DLG2: variants seen among roughly 807,000 people sequenced by gnomAD.
The protein encoded by DLG2 is disks large homolog 2.
A neutral mutation model predicts 132.5 loss-of-function variants in DLG2; 45 were observed. The observed-to-expected ratio is 0.34, with a 90% CI of 0.27 to 0.44. DLG2 has a LOEUF of 0.44. Among genes scored for constraint, DLG2 ranks in the 20% least tolerant of loss-of-function variants. DLG2 has a pLI of 1.00. For missense variants in DLG2, 1,045 were observed against 1,196.9 expected, an observed-to-expected ratio of 0.87 and a Z score of 1.87; for synonymous variants, 424 against 419.6, an observed-to-expected ratio of 1.01 and a Z score of -0.13.
chr11:85,365,208 A>G (rs1169876611), intron 3 of DLG2, among the ~76,000 whole-genome samples: 2 of 152,186 alleles, frequency 1.3e-5, no homozygotes, highest in African/African-American at 2.4e-5. Flanking sequence ...TTTTTGTAAT[A>G]CTATCCTAAA....
intron 3 of DLG2, among the ~76,000 whole-genome samples, chr11:85,439,832 G>A (rs575710864): frequency 6.6e-6 from 1 of 152,272 alleles, no homozygotes; most frequent in South Asian, 2.1e-4. Flanking sequence ...AATGTTTGCA[G>A]TAAGGAGGAA....
At chr11:83,970,737 T>C (rs988838131) in intron 12 of DLG2, among the ~76,000 whole-genome samples, 1 of 152,316 alleles carries the variant, frequency 6.6e-6, no homozygotes, top group Non-Finnish European at 1.5e-5. Context: ...ACAGGCACAA[T>C]ACAGTTCTTA....
intron 11 of DLG2, among the ~76,000 whole-genome samples, chr11:84,022,139 C>A (rs1293728718): frequency 1.3e-5 from 2 of 152,146 alleles, no homozygotes; most frequent in African/African-American, 2.4e-5. Context: ...GTGTTACCAC[C>A]ATTATATCCA....
intron 7 of DLG2, among the ~76,000 whole-genome samples, chr11:84,308,846 G>A (rs2098258430): frequency 6.6e-6 from 1 of 152,188 alleles, no homozygotes; most frequent in African/African-American, 2.4e-5. Flanking sequence ...GGCCTGCAGA[G>A]CCCACGCTCA....
chr11:85,019,539 A>T (rs1033953833), intron 6 of DLG2, among the ~76,000 whole-genome samples: 1 of 152,040 alleles, frequency 6.6e-6, no homozygotes, highest in African/African-American at 2.4e-5. Flanking sequence ...TTACATATGT[A>T]TATATGTGCC....
At chr11:83,492,860 T>C (rs2093936127) in intron 21 of DLG2, among the ~76,000 whole-genome samples, 1 of 152,072 alleles carries the variant, frequency 6.6e-6, no homozygotes, top group Non-Finnish European at 1.5e-5. Context: ...CAGCTGGTGT[T>C]CCTGCTTCCA....
intron 17 of DLG2, among the ~76,000 whole-genome samples, chr11:83,824,345 T>C (rs2051839474): frequency 1.3e-5 from 2 of 152,088 alleles, no homozygotes; most frequent in African/African-American, 2.4e-5. Flanking sequence ...TTGGAAATAA[T>C]CTATTTATTT....
At chr11:84,878,670 G>C (rs560658564) in intron 6 of DLG2, among the ~76,000 whole-genome samples, 2 of 151,944 alleles carry the variant, frequency 1.3e-5, no homozygotes, top group Admixed American at 1.3e-4. Flanking sequence ...AAAGCTGCAC[G>C]TTCTGCACAT....
intron 6 of DLG2, among the ~76,000 whole-genome samples, chr11:84,842,285 T>C (rs76804279): frequency 0.066 from 10,027 of 152,052 alleles, 660 homozygotes; most frequent in African/African-American, 0.17. Flanking sequence ...TCTTGCTTGG[T>C]AGGCATTCTT....
chr11:83,483,094 G>A (rs987938246), intron 22 of DLG2, among the ~76,000 whole-genome samples: 1 of 152,074 alleles, frequency 6.6e-6, no homozygotes, highest in Non-Finnish European at 1.5e-5. Context: ...CAAAACGATC[G>A]AAAGTTACTT....
chr11:84,572,277 A>G (rs1331593346), intron 6 of DLG2, among the ~76,000 whole-genome samples: 2 of 152,142 alleles, frequency 1.3e-5, no homozygotes, highest in African/African-American at 4.8e-5. Context: ...CTTTCTATTA[A>G]GAGGTGGTGT....
chr11:83,888,106 T>C lies in DLG2; in HGVS notation c.1497-13618A>G, dbSNP rs993045620. On this transcript the variant is annotated intron_variant, in intron 15 of 27. Transcript: ENST00000376104. ...TGTTGGAAGTTCTGGCCAGGGCAAT[T>C]AGGCAGGAGAAGGAAATAAAGGGTA... is the stretch of plus-strand genomic sequence containing the variant. Among the ~76,000 whole-genome samples, 656 of 148,662 alleles carry C rather than the reference T, an allele frequency of 4.4e-3. 5 individuals are homozygous for C. Among genetic ancestry groups the C allele is most frequent in the African/African-American group, 0.016 (634 of 40,036 alleles).
At chr11:84,471,155 C>A (rs1423716463) in intron 7 of DLG2, among the ~76,000 whole-genome samples, 2 of 151,662 alleles carry the variant, frequency 1.3e-5, no homozygotes, top group Non-Finnish European at 2.9e-5. Flanking sequence ...ACTGGGGTTC[C>A]CAGACCCCTG....
intron 18 of DLG2, among the ~76,000 whole-genome samples, chr11:83,650,303 T>C (rs2069784096): frequency 6.6e-6 from 1 of 152,078 alleles, no homozygotes. Flanking sequence ...ATCACACAGG[T>C]CCATGTAAGA....
chr11:84,619,326 T>G (rs912912364), intron 6 of DLG2, among the ~76,000 whole-genome samples: 2 of 151,758 alleles, frequency 1.3e-5, no homozygotes, highest in Non-Finnish European at 1.5e-5. Flanking sequence ...ATATCATATA[T>G]TATATAATAC....
intron 8 of DLG2, among the ~76,000 whole-genome samples, chr11:84,241,503 C>T (rs892759920): frequency 6.6e-6 from 1 of 152,088 alleles, no homozygotes; most frequent in African/African-American, 2.4e-5. Flanking sequence ...TGTTTAACAA[C>T]ATGTGCTTTT....
chr11:85,042,917 T>C (rs1387313969), intron 6 of DLG2, among the ~76,000 whole-genome samples: 3 of 151,926 alleles, frequency 2.0e-5, no homozygotes, highest in Admixed American at 1.3e-4. Flanking sequence ...TGCAAAATTA[T>C]ATTTTTGTAT....
At chr11:85,279,583 C>T (rs970444603) in intron 4 of DLG2, among the ~76,000 whole-genome samples, 13 of 152,096 alleles carry the variant, frequency 8.5e-5, no homozygotes, top group African/African-American at 3.1e-4. Context: ...TCTTCCAACT[C>T]CTATTTATCA....
intron 7 of DLG2, among the ~76,000 whole-genome samples, chr11:84,405,421 T>C (rs2098845270): frequency 6.6e-6 from 1 of 152,312 alleles, no homozygotes; most frequent in East Asian, 1.9e-4. Context: ...TTCCGTACCA[T>C]GAAGGAGACA....
Sources: gnomAD v4.1 joint callset for allele counts (sites outside exome capture counted in the v4.1 genomes callset) on GRCh38, gnomAD v4.1.1 for gene constraint, MANE v1.5 for transcripts, NCBI Gene and HGNC (gene_info 2026-07-23, HGNC 2026-07-21) for gene names.